Variants in TNRC18 observed in about 807,000 individuals in gnomAD.
TNRC18 encodes trinucleotide repeat containing 18, also known as trinucleotide repeat-containing gene 18 protein.
Under a neutral mutation model 226.7 loss-of-function variants are expected in TNRC18, and 69 were observed. The ratio of observed to expected loss-of-function variants is 0.30; its 90% confidence interval spans 0.25 to 0.37. The LOEUF (loss-of-function observed/expected upper bound fraction) is 0.37. Ranked by LOEUF, TNRC18 falls within the 10% of genes least tolerant of loss-of-function variation. The pLI is 1.00. For missense variants in TNRC18, 4,754 were observed against 4,256.6 expected, an observed-to-expected ratio of 1.12 and a Z score of -3.25; for synonymous variants, 2,449 against 1,927.6, an observed-to-expected ratio of 1.27 and a Z score of -7.09.
chr7:5,420,371 G>A (rs927788677), intron 2 of TNRC18: 3 of 456,054 alleles, frequency 6.6e-6, no homozygotes, highest in African/African-American at 4.0e-5. Context: ...CGGTGTCCCT[G>A]CCGCACCTCC....
intron 18 of TNRC18, among the ~76,000 whole-genome samples, chr7:5,344,082 G>C (rs972378405): frequency 5.3e-5 from 8 of 152,216 alleles, no homozygotes; most frequent in Non-Finnish European, 7.3e-5. Context: ...AGTCAACGCA[G>C]AATAAAGGAA....
At chr7:5,405,340 G>A (rs1056163962) in intron 2 of TNRC18, among the ~76,000 whole-genome samples, 10 of 152,140 alleles carry the variant, frequency 6.6e-5, no homozygotes, top group African/African-American at 1.9e-4. Context: ...AGGCTGAGGC[G>A]AGTGGATCAC....
rs1381538768 is a variant in TNRC18, at chr7:5,307,999, G to C, written c.*107C>G. ...ACCTGGCCCCATGCACACGCCTGCA[G>C]GAGCGCTCGCATGCACACAACGCAC... On this transcript the variant is annotated 3_prime_UTR_variant, in exon 30 of 30. Transcript: ENST00000430969. 7.5e-5 allele frequency: 79 copies of C among 1,058,668 alleles called. No homozygotes were observed. Among genetic ancestry groups the C allele is most frequent in the Non-Finnish European group, 9.7e-5 (71 of 733,526 alleles). 65.6% of individuals were successfully genotyped at this position (1,058,668 alleles called of 1,614,324 possible).
Position 5,351,825 on chromosome 7 carries a change from C to A in TNRC18, c.5464G>T (p.Asp1822Tyr). 2 of 1,584,674 alleles carry A rather than the reference C, an allele frequency of 1.3e-6. No individual in the cohort carries two copies. Among genetic ancestry groups the A allele is most frequent in the South Asian group, 2.3e-5 (2 of 87,464 alleles). Residue 1822 changes from aspartate (D) to tyrosine (Y), a missense_variant, in exon 17 of 30, where the codon GAC becomes TAC. By Grantham distance (160) the Asp-to-Tyr change is radical. Transcript: ENST00000430969. ...TGTGTTTGGAGCTAGTAACCTTGGT[C>A]AAACGATTCCTCCGAAGAGTCGCTG... ...SFSDSSEESF[D>Y]QDESSEEEDE...
Position 5,388,381 on chromosome 7 carries a change from G to T in TNRC18, c.1443C>A (p.Gly481=), listed in dbSNP as rs1439832684. Residue 481 remains glycine (G), a synonymous_variant, in exon 5 of 30, where the codon GGC becomes GGA. Transcript: ENST00000430969. ...DPRPCERAPR[G]PAGPAAQQAA... ...CCTGTTGGGCTGCAGGACCGGCTGG[G>T]CCGCGGGGCGCACGCTCGCAGGGCC... is the stretch of plus-strand genomic sequence containing the variant. 1.3e-6 allele frequency: 2 copies of T among 1,530,182 alleles called. No homozygotes were observed. Among genetic ancestry groups the T allele is most frequent in the African/African-American group, 1.4e-5 (1 of 70,700 alleles). The allele number at this position is 1,530,182 out of a possible 1,614,324, so 94.8% of individuals were successfully genotyped here.
chr7:5,359,819 G>T (rs368669364), intron 14 of TNRC18, among the ~76,000 whole-genome samples: 1 of 141,026 alleles, frequency 7.1e-6, no homozygotes, highest in African/African-American at 2.6e-5. Flanking sequence ...GCGCTTTTAC[G>T]CGTACACTCA....
chr7:5,340,604 G>C (rs575936780), intron 18 of TNRC18, among the ~76,000 whole-genome samples: 1 of 151,764 alleles, frequency 6.6e-6, no homozygotes, highest in Non-Finnish European at 1.5e-5. Flanking sequence ...TTAGCCAGGC[G>C]TAGTGGCGGG....
chr7:5,420,292 C>T lies in TNRC18; in HGVS notation c.187+768G>A, dbSNP rs1406310373. On this transcript the variant is annotated intron_variant, in intron 2 of 29. Coordinates refer to ENST00000430969, the MANE Select transcript of TNRC18 (RefSeq NM_001080495.3). ...ATGTGAGACCCAGGGTTTTCCCCTC[C>T]GCCGCCTGGGCCCTGCCCGACCCGC... is the stretch of plus-strand genomic sequence containing the variant. 1.9e-5 allele frequency: 8 copies of T among 431,534 alleles called. No individual in the cohort carries two copies. The Admixed American group carries it at 2.1e-4, about 12-fold the overall frequency. The allele number at this position is 431,534 out of a possible 1,614,324, so 26.7% of individuals were successfully genotyped here. A position where few individuals can be genotyped will look rare whatever the true frequency, so the allele number is the denominator to read the frequency against.
intron 3 of TNRC18, among the ~76,000 whole-genome samples, chr7:5,391,708 A>G (rs1255363804): frequency 6.6e-6 from 1 of 151,348 alleles, no homozygotes; most frequent in Admixed American, 6.6e-5. Context: ...CTAAGAGAGC[A>G]CACAGAGGCC....
chr7:5,313,594 T>C lies in TNRC18; in HGVS notation c.7297A>G (p.Thr2433Ala), dbSNP rs746731899. ...APAPLITMPA[T>A]RPKPKKARAA... ...CGCGCCTTCTTGGGCTTGGGGCGTG[T>C]GGCAGGCATGGTGATGAGGGGTGCT... is the stretch of plus-strand genomic sequence containing the variant. The change falls in exon 27 of 30, where the codon ACA becomes GCA. Residue 2433 changes from threonine (T) to alanine (A), a missense_variant. Transcript: ENST00000430969. The C allele has an allele frequency of 3.7e-6, 6 of 1,603,746 alleles. No homozygotes were observed. The South Asian group carries it at 6.7e-5, about 18-fold the overall frequency.
chr7:5,376,718 C>T, intron 8 of TNRC18, 129 bp downstream of exon 8: 10 of 1,140,318 alleles, frequency 8.8e-6, no homozygotes, highest in Non-Finnish European at 1.2e-5. Flanking sequence ...TCTCTCTGAA[C>T]CCCGGTCCGC....
At chr7:5,399,396 G>T (rs189522757) in intron 2 of TNRC18, among the ~76,000 whole-genome samples, 1 of 152,304 alleles carries the variant, frequency 6.6e-6, no homozygotes, top group East Asian at 1.9e-4. Flanking sequence ...CACCTTAGAA[G>T]CTAAGACCAA....
At chr7:5,346,301 A>C (rs7776812) in intron 17 of TNRC18, among the ~76,000 whole-genome samples, 4 of 152,148 alleles carry the variant, frequency 2.6e-5, no homozygotes, top group Non-Finnish European at 5.9e-5. Context: ...CTGAGTCCTG[A>C]GGGCTGGCGG....
intron 5 of TNRC18, among the ~76,000 whole-genome samples, chr7:5,383,577 C>A (rs903758349): frequency 1.3e-5 from 2 of 152,140 alleles, no homozygotes; most frequent in African/African-American, 4.8e-5. Flanking sequence ...GCAGAGGGCT[C>A]GCTCCAAAAA....
chr7:5,345,517 GCC>G, intron 18 of TNRC18, 43 bp downstream of exon 18: 21 of 377,738 alleles, frequency 5.6e-5, no homozygotes, highest in South Asian at 3.1e-4. Context: ...AATGGCGTCC[GCC>G]CCTCCCACCC....
intron 2 of TNRC18, among the ~76,000 whole-genome samples, chr7:5,416,938 G>A (rs577827468): frequency 2.0e-5 from 3 of 151,728 alleles, no homozygotes; most frequent in South Asian, 4.2e-4. Context: ...AGCTATAAAC[G>A]CAATACTGCA....
At position 5,388,323 on chromosome 7, in the gene TNRC18, G is replaced by T. The variant is rs774462635; in HGVS notation, c.1501C>A (p.Pro501Thr). 2.7e-5 allele frequency: 44 copies of T among 1,600,610 alleles called. No homozygotes were observed. The highest frequency in any genetic ancestry group is 3.4e-5 in the Admixed American group (2 of 58,514). Reference sequence around the variant, plus strand: ...TTATGCTCAGGGCCGGTGGGCGGGGGGCGCCCGGGCTCCAGGCCGAAGAGC... The same window carrying T: ...TTATGCTCAGGGCCGGTGGGCGGGGTGCGCCCGGGCTCCAGGCCGAAGAGC... Reference protein sequence around the residue: ...AKLFGLEPGRPPPTGPEHKWK... With the variant: ...AKLFGLEPGRTPPTGPEHKWK... Residue 501 changes from proline to threonine, a missense_variant, in exon 5 of 30, where the codon CCC becomes ACC. By Grantham distance (38) the Pro-to-Thr change is conservative. Transcript: ENST00000430969.
rs1478231578 is a variant in TNRC18 at position 5,307,566 on chromosome 7, T to G, written c.*540A>C. The G allele has an allele frequency of 4.4e-6, 2 of 449,668 alleles. No homozygotes were observed. The highest frequency in any genetic ancestry group is 8.9e-6 in the Non-Finnish European group (2 of 224,122). The allele number at this position is 449,668 out of a possible 1,614,324, so 27.9% of individuals were successfully genotyped here. On this transcript the variant is annotated 3_prime_UTR_variant, in exon 30 of 30. Coordinates refer to ENST00000430969, the MANE Select transcript of TNRC18 (RefSeq NM_001080495.3). Reference sequence around the variant, plus strand: ...TCTGTTCCCCAAGTCTAGGCCATCCTGAGAGGGTGGGGGCAGGGCCCCTGG... The same window carrying G: ...TCTGTTCCCCAAGTCTAGGCCATCCGGAGAGGGTGGGGGCAGGGCCCCTGG...
At chr7:5,390,727 G>T in intron 3 of TNRC18, 99 bp from the exon 4 acceptor site, 1 of 1,372,770 alleles carries the variant, frequency 7.3e-7, no homozygotes, top group Non-Finnish European at 9.7e-7. Flanking sequence ...GCAGCCGACC[G>T]CTGGTACAGG....
Sources: gnomAD v4.1 joint callset for allele counts (sites outside exome capture counted in the v4.1 genomes callset) on GRCh38, gnomAD v4.1.1 for gene constraint, MANE v1.5 for transcripts, NCBI Gene and HGNC (gene_info 2026-07-23, HGNC 2026-07-21) for gene names.